Variants in PTGFR observed in about 807,000 individuals in gnomAD.
The protein encoded by PTGFR is prostaglandin F receptor.
A neutral mutation model predicts 26.2 loss-of-function variants in PTGFR; 15 were observed. The observed-to-expected ratio is 0.57, with a 90% confidence interval of 0.38 to 0.88. The LOEUF (loss-of-function observed/expected upper bound fraction) is 0.88, where lower values mean the gene tolerates loss of function less well. Ranked by LOEUF, PTGFR falls within the 40% of genes least tolerant of loss-of-function variation. The pLI, the probability that PTGFR is intolerant of heterozygous loss-of-function variation, is 0.00. For missense variants in PTGFR, 369 were observed against 427.2 expected (o/e 0.86, Z 1.20); for synonymous variants, 165 against 151.1 (o/e 1.09, Z -0.68).
At chr1:78,494,305 T>G (rs1486878728) in intron 2 of PTGFR, among the ~76,000 whole-genome samples, 1 of 152,192 alleles carries the variant, frequency 6.6e-6, no homozygotes, top group African/African-American at 2.4e-5. Flanking sequence ...CTTAACTCCT[T>G]CTAATGTTTT....
rs549456877 is a variant in PTGFR, at chr1:78,539,091, G to C, written c.*2404G>C. On this transcript the variant is annotated 3_prime_UTR_variant, in exon 3 of 3. Transcript: ENST00000370757. ...ATAATGCTGATTCACAATTAGCTAT[G>C]GGTAAGTCCAAAACATCAGACCTTT... 1 of 151,330 alleles carries C rather than the reference G, an allele frequency of 6.6e-6. No homozygotes were observed. The highest frequency in any genetic ancestry group is 1.5e-5 in the Non-Finnish European group (1 of 67,848). The allele number at this position is 151,330 out of a possible 1,614,324, so 9.4% of individuals were successfully genotyped here.
intron 2 of PTGFR, among the ~76,000 whole-genome samples, chr1:78,512,158 T>C (rs1353916460): frequency 6.6e-6 from 1 of 152,246 alleles, no homozygotes; most frequent in Non-Finnish European, 1.5e-5. Context: ...TCTTCCTGTG[T>C]TCTTTTGAGC....
rs527300113 is a variant in PTGFR, at chr1:78,520,566, A to AGT, written c.799-15839_799-15838dup. ...GACAATCTCCTAAGAGCAGAAGGACAGTCTTTGGTGGTCATTTTCAGATCT... is the reference window on the plus strand; with the variant it reads ...GACAATCTCCTAAGAGCAGAAGGACAGTGTCTTTGGTGGTCATTTTCAGATCT... On this transcript the variant is annotated intron_variant, in intron 2 of 2. Coordinates refer to ENST00000370757, the MANE Select transcript of PTGFR (RefSeq NM_000959.4). Among the ~76,000 whole-genome samples the AGT allele has an allele frequency of 7.8e-4, 118 of 152,108 alleles. 1 individual carries two copies. The highest frequency in any genetic ancestry group is 2.7e-3 in the African/African-American group (111 of 41,510).
intron 2 of PTGFR, among the ~76,000 whole-genome samples, chr1:78,534,213 C>G (rs1294772385): frequency 6.6e-6 from 1 of 152,126 alleles, no homozygotes; most frequent in Non-Finnish European, 1.5e-5. Context: ...TGATGAGACT[C>G]TACCTAAGTG....
intron 2 of PTGFR, among the ~76,000 whole-genome samples, chr1:78,504,215 A>G (rs1649773871): frequency 6.6e-6 from 1 of 152,212 alleles, no homozygotes; most frequent in Admixed American, 6.5e-5. Context: ...AAAAATTACA[A>G]CAAACTACAT....
At chr1:78,521,534 G>A (rs959445649) in intron 2 of PTGFR, among the ~76,000 whole-genome samples, 3 of 151,982 alleles carry the variant, frequency 2.0e-5, no homozygotes, top group African/African-American at 7.2e-5. Flanking sequence ...TTCTATAGTT[G>A]GTATTGTTAG....
chr1:78,493,353 C>CA lies in PTGFR; in HGVS notation c.610_611insA (p.Leu204HisfsTer28). On this transcript the variant is annotated frameshift_variant, in exon 2 of 3. Transcript: ENST00000370757. LOFTEE classifies it high-confidence loss of function. ...CTGGGAAGATAGATTTTATCTTCTACTTTTTTCTTTTCTGGGGCTCTTAGC... is the reference window on the plus strand; with the variant it reads ...CTGGGAAGATAGATTTTATCTTCTACATTTTTTCTTTTCTGGGGCTCTTAGC... 6.2e-7 allele frequency: 1 copy of CA among 1,613,994 alleles called. No individual in the cohort carries two copies. The highest frequency in any genetic ancestry group is 8.5e-7 in the Non-Finnish European group (1 of 1,179,964).
At position 78,492,935 on chromosome 1, in the gene PTGFR, A is replaced by G. The variant is rs768902165; in HGVS notation, c.192A>G (p.Ala64=). ...AGAGATTTAGACAGAAGTCCAAGGCATCGTTTCTGCTTTTGGCCAGTGGCC... is the reference window on the plus strand; with the variant it reads ...AGAGATTTAGACAGAAGTCCAAGGCGTCGTTTCTGCTTTTGGCCAGTGGCC... ...AYQRFRQKSK[A]SFLLLASGLV... The change falls in exon 2 of 3, where the codon GCA becomes GCG. Residue 64 remains alanine, a synonymous_variant. Coordinates refer to ENST00000370757, the MANE Select transcript of PTGFR (RefSeq NM_000959.4). The G allele has an allele frequency of 1.2e-6, 2 of 1,614,262 alleles. No individual in the cohort carries two copies. The highest frequency in any genetic ancestry group is 1.3e-5 in the African/African-American group (1 of 75,066).
chr1:78,532,855 G>A lies in PTGFR; in HGVS notation c.799-3551G>A, dbSNP rs537263633. On this transcript the variant is annotated intron_variant, in intron 2 of 2. Coordinates refer to ENST00000370757, the MANE Select transcript of PTGFR (RefSeq NM_000959.4). Reference sequence around the variant, plus strand: ...GAAAAATAAGCAGGGAAAAGTGAAGGCTGTCTTACTCTACATATTAACTGA... The same window carrying A: ...GAAAAATAAGCAGGGAAAAGTGAAGACTGTCTTACTCTACATATTAACTGA... Among the ~76,000 whole-genome samples, 21 of 152,160 alleles carry A rather than the reference G, an allele frequency of 1.4e-4. No individual in the cohort carries two copies. The East Asian group carries it at 2.7e-3, about 20-fold the overall frequency.
rs1192587967 is a variant in PTGFR at position 78,539,655 on chromosome 1, G to C, written c.*2968G>C. ...GATTAAATAGTGATATGTATATTTT[G>C]TTGTTTGCTTTGGTATGCAACTCAT... On this transcript the variant is annotated 3_prime_UTR_variant, in exon 3 of 3. Transcript: ENST00000370757. The C allele has an allele frequency of 4.6e-5, 7 of 152,490 alleles. No individual in the cohort carries two copies. The highest frequency in any genetic ancestry group is 1.7e-4 in the African/African-American group (7 of 41,428). The allele number at this position is 152,490 out of a possible 1,614,324, so 9.4% of individuals were successfully genotyped here.
rs74094504 is a variant in PTGFR, at chr1:78,504,237, A to T, written c.798+10696A>T. 4.3e-3 allele frequency among the ~76,000 whole-genome samples: 662 copies of T among 152,232 alleles called. 2 individuals are homozygous for T. Among genetic ancestry groups the T allele is most frequent in the African/African-American group, 0.013 (538 of 41,550 alleles). ...ACAACAAACTACATATTAAGTTTTT[A>T]AAAAAAATCTTCCAAATCCCACTAC... On this transcript the variant is annotated intron_variant, in intron 2 of 2. Coordinates refer to ENST00000370757, the MANE Select transcript of PTGFR (RefSeq NM_000959.4).
intron 2 of PTGFR, among the ~76,000 whole-genome samples, chr1:78,505,119 A>C (rs868192678): frequency 1.4e-5 from 2 of 138,136 alleles, no homozygotes; most frequent in Middle Eastern, 7.5e-3. Context: ...TTTTATTCTA[A>C]CTTTTTTTTT....
At position 78,536,644 on chromosome 1, in the gene PTGFR, C is replaced by T; in HGVS notation, c.1037C>T (p.Ala346Val). ...SSIKNSLKVA[A>V]ISESPVAEKS... ...ATTAAAAATTCCTTAAAGGTTGCTG[C>T]TATTTCTGAGTCACCAGTTGCAGAG... The change falls in exon 3 of 3, where the codon GCT becomes GTT. Residue 346 changes from alanine to valine, a missense_variant. Coordinates refer to ENST00000370757, the MANE Select transcript of PTGFR (RefSeq NM_000959.4). The T allele has an allele frequency of 6.2e-7, 1 of 1,612,932 alleles. No individual in the cohort carries two copies. Among genetic ancestry groups the T allele is most frequent in the Non-Finnish European group, 8.5e-7 (1 of 1,179,442 alleles).
At chr1:78,536,238 GTC>G (rs1650650011) in intron 2 of PTGFR, among the ~76,000 whole-genome samples, 166 bp from the exon 3 acceptor site, 2 of 152,048 alleles carry the variant, frequency 1.3e-5, no homozygotes, top group African/African-American at 4.8e-5. Context: ...TGATTCATTT[GTC>G]TCCATCAGTG....
At chr1:78,502,658 TA>T (rs1457119228) in intron 2 of PTGFR, among the ~76,000 whole-genome samples, 1 of 152,152 alleles carries the variant, frequency 6.6e-6, no homozygotes, top group Non-Finnish European at 1.5e-5. Flanking sequence ...TTAAAATTAT[TA>T]AATGAATAAT....
At chr1:78,531,765 C>G (rs960136182) in intron 2 of PTGFR, among the ~76,000 whole-genome samples, 2 of 152,052 alleles carry the variant, frequency 1.3e-5, no homozygotes, top group Admixed American at 1.3e-4. Flanking sequence ...TTCTTGTCTT[C>G]CCCAACTCAA....
chr1:78,497,337 A>G (rs1204958997), intron 2 of PTGFR, among the ~76,000 whole-genome samples: 1 of 152,146 alleles, frequency 6.6e-6, no homozygotes, highest in Non-Finnish European at 1.5e-5. Context: ...TTACAGTTCC[A>G]TTTAGCAACA....
At chr1:78,508,736 C>T (rs1649885290) in intron 2 of PTGFR, among the ~76,000 whole-genome samples, 1 of 152,126 alleles carries the variant, frequency 6.6e-6, no homozygotes, top group African/African-American at 2.4e-5. Flanking sequence ...GTAAAATCAC[C>T]TTCTTAACCC....
chr1:78,515,690 C>T (rs1453130941), intron 2 of PTGFR, among the ~76,000 whole-genome samples: 1 of 152,184 alleles, frequency 6.6e-6, no homozygotes, highest in African/African-American at 2.4e-5. Flanking sequence ...ATTTATCTCT[C>T]TGTAGATAAA....
Sources: allele counts gnomAD v4.1 joint callset (sites outside exome capture counted in the v4.1 genomes callset), GRCh38; gene constraint gnomAD v4.1.1; transcripts MANE v1.5; gene names NCBI Gene and HGNC (gene_info 2026-07-23, HGNC 2026-07-21).